The following SCMH1 variants were observed in gnomAD, a reference collection of about 807,000 sequenced individuals.
SCMH1 encodes the protein Scm polycomb group protein homolog 1, also known as polycomb protein SCMH1.
In SCMH1, 37 loss-of-function variants were observed where a neutral mutation model predicts 70.8. That is an observed-to-expected ratio of 0.52 (90% CI 0.40 to 0.69). The LOEUF (loss-of-function observed/expected upper bound fraction) is 0.69, where lower values mean the gene tolerates loss of function less well. SCMH1 is among the 30% of genes least tolerant of loss of function. The pLI is 0.00. For synonymous variants in SCMH1, 292 were observed against 307.4 expected, an observed-to-expected ratio of 0.95 and a Z score of 0.52; for missense variants, 607 against 827.3, an observed-to-expected ratio of 0.73 and a Z score of 3.27.
At chr1:41,180,684 A>C (rs1648487251) in intron 2 of SCMH1, among the ~76,000 whole-genome samples, 1 of 152,202 alleles carries the variant, frequency 6.6e-6, no homozygotes, top group Non-Finnish European at 1.5e-5. Context: ...ACCACTGCTC[A>C]AGGAAATAAA....
chr1:41,059,839 G>A (rs1173191312), intron 10 of SCMH1, among the ~76,000 whole-genome samples: 1 of 152,056 alleles, frequency 6.6e-6, no homozygotes, highest in African/African-American at 2.4e-5. Flanking sequence ...TTGAGTGCAC[G>A]GCGCTGAAAA....
chr1:41,077,825 T>C (rs528225513), intron 8 of SCMH1, among the ~76,000 whole-genome samples: 3 of 152,176 alleles, frequency 2.0e-5, no homozygotes, highest in Non-Finnish European at 4.4e-5. Flanking sequence ...AGTTGGAGCC[T>C]CAATAGTTCT....
intron 8 of SCMH1, among the ~76,000 whole-genome samples, chr1:41,077,305 A>G (rs2148918817): frequency 6.6e-6 from 1 of 152,214 alleles, no homozygotes; most frequent in South Asian, 2.1e-4. Flanking sequence ...GCTCTACTGG[A>G]GGAAAGAGAA....
chr1:41,131,635 T>C (rs1352168700), intron 6 of SCMH1, among the ~76,000 whole-genome samples: 16 of 152,230 alleles, frequency 1.1e-4, no homozygotes, highest in Non-Finnish European at 1.6e-4. Context: ...ACAGGTGCCA[T>C]GTTGGTTTGC....
chr1:41,037,496 G>C (rs368774357), exon 13 of SCMH1: 1 of 1,614,194 alleles, frequency 6.2e-7, no homozygotes, highest in Non-Finnish European at 8.5e-7. Flanking sequence ...GTCTGAGTGT[G>C]GTTCCAAGGA....
At chr1:41,129,995 A>T (rs1480488868) in intron 6 of SCMH1, among the ~76,000 whole-genome samples, 1 of 151,996 alleles carries the variant, frequency 6.6e-6, no homozygotes, top group Non-Finnish European at 1.5e-5. Context: ...AACACTTGTT[A>T]TTTTCTGTTT....
intron 1 of SCMH1, among the ~76,000 whole-genome samples, chr1:41,204,882 A>T (rs72665628): frequency 0.082 from 12,470 of 152,274 alleles, 679 homozygotes; most frequent in South Asian, 0.15. Context: ...TTTATTAATG[A>T]AATGGGTATA....
At chr1:41,151,504 G>A (rs1194913706) in intron 5 of SCMH1, 110 bp downstream of exon 5, 7 of 715,094 alleles carry the variant, frequency 9.8e-6, no homozygotes, top group African/African-American at 9.0e-5. Context: ...AGTTTATTCT[G>A]GGGCCCTCAG....
intron 9 of SCMH1, among the ~76,000 whole-genome samples, chr1:41,071,240 T>G (rs1656377274): frequency 7.4e-6 from 1 of 135,158 alleles, no homozygotes; most frequent in African/African-American, 3.1e-5. Flanking sequence ...AAACTTGCAC[T>G]TTTACCTGGT....
intron 1 of SCMH1, among the ~76,000 whole-genome samples, chr1:41,229,662 C>G (rs1241178533): frequency 1.3e-5 from 2 of 151,880 alleles, no homozygotes; most frequent in Admixed American, 1.3e-4. Context: ...ATAGGTGCAG[C>G]AAACCAACAT....
intron 14 of SCMH1, 61 bp from the exon 16 acceptor site, chr1:41,028,380 T>G (rs1231258427): frequency 6.3e-7 from 1 of 1,599,318 alleles, no homozygotes; most frequent in Non-Finnish European, 8.5e-7. Flanking sequence ...CTGGTTGGTC[T>G]GACCACCCCA....
intron 10 of SCMH1, among the ~76,000 whole-genome samples, chr1:41,065,435 A>C (rs374601360): frequency 8.5e-5 from 13 of 152,234 alleles, no homozygotes; most frequent in African/African-American, 3.1e-4. Context: ...GTGCCACTGC[A>C]CTTCAGCCTG....
intron 4 of SCMH1, 125 bp downstream of exon 4, chr1:41,160,750 G>A: frequency 1.1e-6 from 1 of 877,534 alleles, no homozygotes; most frequent in Non-Finnish European, 1.9e-6. Flanking sequence ...AAGAGCACAG[G>A]ATTCACTGGT....
At chr1:41,041,443 T>C (rs901805248) in intron 12 of SCMH1, 1 of 150,410 alleles carries the variant, frequency 6.6e-6, no homozygotes, top group Admixed American at 6.7e-5. Context: ...ATTATAATTA[T>C]AACAAAGGAA....
intron 2 of SCMH1, among the ~76,000 whole-genome samples, chr1:41,166,694 T>C (rs1327527127): frequency 6.6e-6 from 1 of 152,176 alleles, no homozygotes; most frequent in Non-Finnish European, 1.5e-5. Flanking sequence ...TAAGTTGATT[T>C]TGTATCCTGC....
intron 10 of SCMH1, among the ~76,000 whole-genome samples, chr1:41,060,415 G>A (rs1054580424): frequency 5.3e-5 from 8 of 150,600 alleles, no homozygotes; most frequent in Non-Finnish European, 7.4e-5. Context: ...AAAACCCACC[G>A]ACCTAAAGTT....
intron 1 of SCMH1, among the ~76,000 whole-genome samples, chr1:41,229,359 G>T (rs1660873803): frequency 6.6e-6 from 1 of 152,178 alleles, no homozygotes; most frequent in African/African-American, 2.4e-5. Flanking sequence ...ATCAATGATA[G>T]ACTAGATTAA....
chr1:41,179,452 A>G (rs1356910598), intron 2 of SCMH1, among the ~76,000 whole-genome samples: 1 of 152,208 alleles, frequency 6.6e-6, no homozygotes, highest in Non-Finnish European at 1.5e-5. Flanking sequence ...AAAGATCAAC[A>G]AAATTGACAG....
intron 1 of SCMH1, among the ~76,000 whole-genome samples, chr1:41,197,290 T>A (rs188100521): frequency 9.7e-4 from 147 of 152,164 alleles, no homozygotes; most frequent in Non-Finnish European, 1.9e-3. Context: ...TGGAAAACAA[T>A]CTAAGTGTCC....
Sources: allele counts gnomAD v4.1 joint callset (sites outside exome capture counted in the v4.1 genomes callset), GRCh38; gene constraint gnomAD v4.1.1; transcripts MANE v1.5; gene names NCBI Gene and HGNC (gene_info 2026-07-23, HGNC 2026-07-21).